XKRX: variants seen among roughly 807,000 people sequenced by gnomAD.
XKRX encodes the protein XK related X-linked.
In XKRX, 11 loss-of-function variants were observed where a neutral mutation model predicts 22.4. That is an observed-to-expected ratio of 0.49 (90% confidence interval 0.31 to 0.81). The LOEUF is 0.81. XKRX is among the 40% of genes least tolerant of loss of function. The pLI is 0.05. For synonymous variants in XKRX, 114 were observed against 132.2 expected (o/e 0.86, Z 0.94); for missense variants, 320 against 336.5 (o/e 0.95, Z 0.38).
In XKRX at chrX:100,914,826, A is replaced by G; in HGVS notation, c.862T>C (p.Phe288Leu). 1 of 1,211,815 alleles carries G rather than the reference A, an allele frequency of 8.3e-7. No homozygotes were observed. Among genetic ancestry groups the G allele is most frequent in the Non-Finnish European group, 1.1e-6 (1 of 895,583 alleles). ...LIILFEPWIKFWRSGAQMPNN... is the reference protein window; with the variant it reads ...LIILFEPWIKLWRSGAQMPNN... ...GGCATCTGGGCACCACTTCTCCAGA[A>G]CTTAATCCAGGGCTCAAAGAGGATG... Residue 288 changes from phenylalanine to leucine, a missense_variant, in exon 3 of 3, where the codon TTC becomes CTC. Phe to Leu is a conservative substitution (Grantham distance 22). Coordinates refer to ENST00000372956, the MANE Select transcript of XKRX (RefSeq NM_212559.3).
chrX:100,921,875 C>G (rs2085474442), intron 2 of XKRX, among the ~76,000 whole-genome samples: 1 of 97,295 alleles, frequency 1.0e-5, no homozygotes, highest in Admixed American at 1.1e-4. Flanking sequence ...GCTCTGTCAC[C>G]CAGGCTGGAG....
the XKRX span, among the ~76,000 whole-genome samples, chrX:100,898,383 C>T: frequency 9.2e-6 from 1 of 108,366 alleles, no homozygotes; most frequent in African/African-American, 3.4e-5. Context: ...GGTGCAAGGG[C>T]TTGCCTTTTT....
chrX:100,927,918 C>T (rs1442054884), intron 1 of XKRX, 52 bp downstream of exon 1: 44 of 1,131,182 alleles, frequency 3.9e-5, no homozygotes, highest in Non-Finnish European at 4.9e-5. Flanking sequence ...TTTCTCTGCC[C>T]AAGTCTGGGG....
At chrX:100,943,823 AT>A in the XKRX span, among the ~76,000 whole-genome samples, 3 of 112,283 alleles carry the variant, frequency 2.7e-5, no homozygotes, top group Non-Finnish European at 5.6e-5. Context: ...TGATGTATTC[AT>A]TCTGTTGATG....
intron 2 of XKRX, among the ~76,000 whole-genome samples, chrX:100,920,069 C>T (rs1490330995): frequency 9.0e-6 from 1 of 110,726 alleles, no homozygotes; most frequent in African/African-American, 3.3e-5. Flanking sequence ...TCATGGCCTC[C>T]AAACATCTGC....
At chrX:100,912,403 C>A (rs181765523), downstream of XKRX, among the ~76,000 whole-genome samples, 1 of 111,413 alleles carries the variant, frequency 9.0e-6, no homozygotes, top group Admixed American at 9.6e-5. Flanking sequence ...CTTTTAGTCC[C>A]AAACAGTGGC....
At chrX:100,952,968 T>C in the XKRX span, among the ~76,000 whole-genome samples, 3 of 112,268 alleles carry the variant, frequency 2.7e-5, no homozygotes, top group African/African-American at 9.7e-5. Context: ...AATAATTAAG[T>C]TGGACTCTTA....
At chrX:100,957,630 G>T in the XKRX span, 1 of 487,713 alleles carries the variant, frequency 2.1e-6, no homozygotes, top group South Asian at 4.3e-5. Context: ...CTCTTTTGGA[G>T]AAGACATGTT....
the XKRX span, among the ~76,000 whole-genome samples, chrX:100,890,534 A>G: frequency 9.0e-6 from 1 of 110,724 alleles, no homozygotes; most frequent in Non-Finnish European, 1.9e-5. Context: ...TAAAAAATCC[A>G]CATGAAATAG....
At chrX:100,901,011 C>T in the XKRX span, among the ~76,000 whole-genome samples, 8 of 110,280 alleles carry the variant, frequency 7.3e-5, no homozygotes, top group South Asian at 3.9e-4. Context: ...AGGATGGTCT[C>T]GATCTCCTGA....
At chrX:100,908,106 AGTGTGT>A in the XKRX span, among the ~76,000 whole-genome samples, 9 of 86,990 alleles carry the variant, frequency 1.0e-4, no homozygotes, top group African/African-American at 1.7e-4. Flanking sequence ...TCATGCATGG[AGTGTGT>A]GTGTGTGTGT....
At chrX:100,904,746 T>C in the XKRX span, among the ~76,000 whole-genome samples, 1 of 111,568 alleles carries the variant, frequency 9.0e-6, no homozygotes, top group Non-Finnish European at 1.9e-5. Context: ...GAAGGTCTTA[T>C]GGGTAAGTGA....
intron 1 of XKRX, among the ~76,000 whole-genome samples, chrX:100,924,736 C>T (rs984513180): frequency 9.0e-6 from 1 of 111,722 alleles, no homozygotes; most frequent in Non-Finnish European, 1.9e-5. Context: ...GAAATATTTG[C>T]TGAGTAAATG....
At chrX:100,952,605 A>C in the XKRX span, among the ~76,000 whole-genome samples, 1 of 111,850 alleles carries the variant, frequency 8.9e-6, no homozygotes, top group African/African-American at 3.3e-5. Context: ...GTTTACGTAG[A>C]AACTCTCAAA....
At chrX:100,911,446 C>T (rs1414922979), downstream of XKRX, 3 of 889,129 alleles carry the variant, frequency 3.4e-6, no homozygotes, top group South Asian at 2.0e-5. Context: ...AGGTTACCAA[C>T]AATCCTGAAA....
At chrX:100,945,401 G>A in the XKRX span, among the ~76,000 whole-genome samples, 1 of 112,233 alleles carries the variant, frequency 8.9e-6, no homozygotes, top group East Asian at 2.8e-4. Flanking sequence ...TTATGGGCAT[G>A]AGCTACCATG....
the XKRX span, among the ~76,000 whole-genome samples, chrX:100,894,299 T>C: frequency 1.8e-5 from 2 of 111,747 alleles, no homozygotes; most frequent in African/African-American, 6.5e-5. Context: ...GAGATAATTA[T>C]ATTTAAATTA....
the XKRX span, among the ~76,000 whole-genome samples, chrX:100,901,633 C>T: frequency 8.9e-6 from 1 of 112,059 alleles, no homozygotes; most frequent in Non-Finnish European, 1.9e-5. Context: ...ACCTAATGGA[C>T]ATTTACAAAA....
chrX:100,940,513 C>T, the XKRX span, among the ~76,000 whole-genome samples: 1 of 111,687 alleles, frequency 9.0e-6, no homozygotes, highest in Middle Eastern at 4.6e-3. Context: ...TAACTGGTTT[C>T]CTTACTCTAG....
Sources: gnomAD v4.1 joint callset for allele counts (sites outside exome capture counted in the v4.1 genomes callset) on GRCh38, gnomAD v4.1.1 for gene constraint, MANE v1.5 for transcripts, NCBI Gene and HGNC (gene_info 2026-07-23, HGNC 2026-07-21) for gene names.